DLC1: variants seen among roughly 807,000 people sequenced by gnomAD.
The protein encoded by DLC1 is DLC1 Rho GTPase activating protein.
In DLC1, 54 loss-of-function variants were observed where a neutral mutation model predicts 140.3. The observed-to-expected ratio is 0.38, with a 90% CI of 0.31 to 0.48. DLC1 has a LOEUF of 0.48. Ranked by LOEUF, DLC1 falls within the 20% of genes least tolerant of loss-of-function variation. The pLI is 0.96. For synonymous variants in DLC1, 986 were observed against 728.1 expected (o/e 1.35, Z -5.70); for missense variants, 2,536 against 1,907.0 (o/e 1.33, Z -6.14).
At chr8:13,591,948 T>G (rs188129225) in intron 1 of DLC1, among the ~76,000 whole-genome samples, 1 of 152,186 alleles carries the variant, frequency 6.6e-6, no homozygotes, top group East Asian at 1.9e-4. Context: ...GATATTCTTG[T>G]GGAGTTTTAA....
Position 13,088,599 on chromosome 8 carries a change from C to T in DLC1, c.4180G>A (p.Val1394Ile). 2 of 1,614,154 alleles carry T rather than the reference C, an allele frequency of 1.2e-6. No individual in the cohort carries two copies. Among genetic ancestry groups the T allele is most frequent in the African/African-American group, 1.3e-5 (1 of 75,026 alleles). The change falls in exon 16 of 18, where the codon GTA becomes ATA. Residue 1394 changes from valine (V) to isoleucine (I), a missense_variant. Coordinates refer to ENST00000276297, the MANE Select transcript of DLC1 (RefSeq NM_182643.3). Reference sequence around the variant, plus strand: ...ATCACTTTTGAATCCAACAGGTCTACATCCCAGAGGTGCTGTTCTTTAAGT... The same window carrying T: ...ATCACTTTTGAATCCAACAGGTCTATATCCCAGAGGTGCTGTTCTTTAAGT... ...RLLKEQHLWD[V>I]DLLDSKVIEI...
At chr8:13,095,056 A>T (rs375553736) in intron 11 of DLC1, 30 bp downstream of exon 11, 25 of 1,613,816 alleles carry the variant, frequency 1.5e-5, no homozygotes, top group African/African-American at 1.2e-4. Context: ...AGCTCCCCTG[A>T]GTACGTGGAC....
intron 8 of DLC1, among the ~76,000 whole-genome samples, chr8:13,101,151 T>A (rs1040269969): frequency 6.6e-6 from 1 of 152,192 alleles, no homozygotes; most frequent in Non-Finnish European, 1.5e-5. Flanking sequence ...CCTCAAGCGA[T>A]CCTCCCACGT....
At chr8:13,190,882 C>A (rs1273865324) in intron 5 of DLC1, among the ~76,000 whole-genome samples, 5 of 152,098 alleles carry the variant, frequency 3.3e-5, no homozygotes, top group African/African-American at 7.2e-5. Context: ...GCCACTAACT[C>A]CGTTTCCACC....
chr8:13,420,102 C>CT (rs1838249216), intron 2 of DLC1, among the ~76,000 whole-genome samples: 1 of 152,078 alleles, frequency 6.6e-6, no homozygotes, highest in African/African-American at 2.4e-5. Context: ...ATTCTTCTCT[C>CT]TTTTTTTCTT....
chr8:13,164,039 GC>G (rs1824916770), intron 5 of DLC1, among the ~76,000 whole-genome samples: 1 of 152,056 alleles, frequency 6.6e-6, no homozygotes, highest in African/African-American at 2.4e-5. Context: ...GCTCACACCT[GC>G]AATCCCAGCG....
At chr8:13,566,834 C>T (rs898593485) in intron 1 of DLC1, 27 of 975,444 alleles carry the variant, frequency 2.8e-5, no homozygotes, top group Non-Finnish European at 3.3e-5. Context: ...ATGAGCGGCC[C>T]GCGTTGCCAA....
intron 4 of DLC1, among the ~76,000 whole-genome samples, chr8:13,338,103 A>G (rs1038270294): frequency 6.6e-6 from 1 of 152,150 alleles, no homozygotes; most frequent in East Asian, 1.9e-4. Flanking sequence ...GTTCTGTGCA[A>G]TTGAAAGAAC....
chr8:13,496,307 GGTT>G (rs1464079817), intron 2 of DLC1, among the ~76,000 whole-genome samples: 1 of 152,016 alleles, frequency 6.6e-6, no homozygotes, highest in Non-Finnish European at 1.5e-5. Context: ...GCAGATAAAA[GGTT>G]GTTTTGTGCC....
intron 6 of DLC1, among the ~76,000 whole-genome samples, chr8:13,111,370 G>A (rs1284657274): frequency 6.6e-6 from 1 of 152,170 alleles, no homozygotes; most frequent in Non-Finnish European, 1.5e-5. Context: ...TATTAGCACT[G>A]CAATATGGCC....
At chr8:13,584,967 C>T (rs1026313279) in intron 1 of DLC1, among the ~76,000 whole-genome samples, 9 of 152,214 alleles carry the variant, frequency 5.9e-5, no homozygotes, top group African/African-American at 2.2e-4. Context: ...TTTTGGTGTA[C>T]CCAAACTGTG....
chr8:13,100,730 C>T lies in DLC1; in HGVS notation c.1607G>A (p.Gly536Asp), dbSNP rs1440028217. 1.3e-6 allele frequency: 2 copies of T among 1,599,748 alleles called. No individual in the cohort carries two copies. The highest frequency in any genetic ancestry group is 1.7e-6 in the Non-Finnish European group (2 of 1,173,586). The change falls in exon 9 of 18, where the codon GGC becomes GAC. Residue 536 changes from glycine (G) to aspartate (D), a missense_variant. Gly to Asp is a moderately conservative substitution (Grantham distance 94). Coordinates refer to ENST00000276297, the MANE Select transcript of DLC1 (RefSeq NM_182643.3). ...GCTGTCCCTTTGGAAAGTCCATTTG[C>T]CACTGATGGCACAAGGCTCATCCTC... is the stretch of plus-strand genomic sequence containing the variant. ...SDEDEPCAISGKWTFQRDSKR... is the reference protein window; with the variant it reads ...SDEDEPCAISDKWTFQRDSKR...
At chr8:13,346,534 A>T (rs1166731795) in intron 4 of DLC1, among the ~76,000 whole-genome samples, 2 of 152,252 alleles carry the variant, frequency 1.3e-5, no homozygotes, top group East Asian at 3.8e-4. Context: ...AGTCTATTTT[A>T]AACCATCACA....
rs1838607380 is a variant in DLC1 at position 13,426,830 on chromosome 8, TCCTAG to T, written c.1024-25216_1024-25212del. ...TAAAATTGCCTACATTTGTCTCTCA[TCCTAG>T]GAGATCCTCCAGTTTTTGCTGCAAT... On this transcript the variant is annotated intron_variant, in intron 2 of 17. Coordinates refer to ENST00000276297, the MANE Select transcript of DLC1 (RefSeq NM_182643.3). 2.0e-5 allele frequency among the ~76,000 whole-genome samples: 3 copies of T among 152,328 alleles called. No individual in the cohort carries two copies. The East Asian group carries it at 5.8e-4, about 29-fold the overall frequency.
At chr8:13,230,517 G>T (rs1415968568) in intron 5 of DLC1, among the ~76,000 whole-genome samples, 1 of 152,080 alleles carries the variant, frequency 6.6e-6, no homozygotes, top group African/African-American at 2.4e-5. Flanking sequence ...GGCATTTAGG[G>T]GAGAGAGGCT....
chr8:13,301,860 T>A (rs1438732459), intron 5 of DLC1, among the ~76,000 whole-genome samples: 2 of 152,294 alleles, frequency 1.3e-5, no homozygotes, highest in East Asian at 3.9e-4. Context: ...AGTGCACTCC[T>A]TATGATGATC....
At chr8:13,299,694 C>T (rs1280900991) in intron 5 of DLC1, among the ~76,000 whole-genome samples, 1 of 152,002 alleles carries the variant, frequency 6.6e-6, no homozygotes, top group African/African-American at 2.4e-5. Context: ...AGTGAGGCTC[C>T]TTGCGGGAAA....
At chr8:13,165,350 G>A (rs561322045) in intron 5 of DLC1, among the ~76,000 whole-genome samples, 8 of 152,262 alleles carry the variant, frequency 5.3e-5, no homozygotes, top group Admixed American at 3.3e-4. Context: ...GAATAAGTAG[G>A]CAAGGAATTT....
chr8:13,513,183 C>T (rs1172054170), intron 1 of DLC1, among the ~76,000 whole-genome samples: 1 of 152,020 alleles, frequency 6.6e-6, no homozygotes, highest in African/African-American at 2.4e-5. Context: ...ACTTTTAAAT[C>T]CCATTTCTCA....
Sources: gnomAD v4.1 joint callset for allele counts (sites outside exome capture counted in the v4.1 genomes callset) on GRCh38, gnomAD v4.1.1 for gene constraint, MANE v1.5 for transcripts, NCBI Gene and HGNC (gene_info 2026-07-23, HGNC 2026-07-21) for gene names.